XKR9: variants seen among roughly 807,000 people sequenced by gnomAD.
The protein encoded by XKR9 is XK-related protein 9.
A neutral mutation model predicts 32.0 loss-of-function variants in XKR9; 32 were observed. That is an observed-to-expected ratio of 1.00 (90% CI 0.76 to 1.34). The LOEUF is 1.34. Among genes scored for constraint, XKR9 ranks in the 40% most tolerant of loss-of-function variants. The pLI is 0.00. For missense variants in XKR9, 546 were observed against 429.7 expected, an observed-to-expected ratio of 1.27 and a Z score of -2.39; for synonymous variants, 168 against 143.4, an observed-to-expected ratio of 1.17 and a Z score of -1.22.
the XKR9 span, among the ~76,000 whole-genome samples, chr8:71,023,548 C>T: frequency 3.3e-5 from 5 of 152,260 alleles, no homozygotes; most frequent in East Asian, 9.6e-4. Flanking sequence ...GATATTTAGG[C>T]ACTGGTGTTA....
At chr8:70,805,503 T>A in the XKR9 span, among the ~76,000 whole-genome samples, 10 of 152,138 alleles carry the variant, frequency 6.6e-5, no homozygotes, top group Non-Finnish European at 1.3e-4. Context: ...CCTAACACGC[T>A]AAGCTCCCTG....
At chr8:70,744,041 T>C (rs1807023996) in intron 2 of XKR9, among the ~76,000 whole-genome samples, 1 of 152,178 alleles carries the variant, frequency 6.6e-6, no homozygotes, top group Non-Finnish European at 1.5e-5. Context: ...CTTTCTGTAA[T>C]GTTTGCCAGT....
chr8:71,034,748 C>T, the XKR9 span, among the ~76,000 whole-genome samples: 10 of 152,068 alleles, frequency 6.6e-5, no homozygotes, highest in African/African-American at 2.2e-4. Flanking sequence ...GCTGCGGTCC[C>T]GGACGTCATG....
At chr8:70,724,688 G>A (rs971541106) in intron 4 of XKR9, among the ~76,000 whole-genome samples, 4 of 152,032 alleles carry the variant, frequency 2.6e-5, no homozygotes, top group Non-Finnish European at 2.9e-5. Context: ...GCTTCTGCTC[G>A]CTCTCCATGG....
chr8:70,864,605 T>C, the XKR9 span, among the ~76,000 whole-genome samples: 1 of 152,226 alleles, frequency 6.6e-6, no homozygotes, highest in Non-Finnish European at 1.5e-5. Context: ...AAGTCTAGCC[T>C]CATAATTCAG....
In XKR9 at chr8:70,694,414, A is replaced by G. The variant is rs541902666; in HGVS notation, c.273-12519A>G. On this transcript the variant is annotated intron_variant, in intron 3 of 4. Coordinates refer to ENST00000408926, the MANE Select transcript of XKR9 (RefSeq NM_001011720.2). ...CTCTAGGAGTGCCATCCCAGGGGGA[A>G]TTCAGATCTGTGTCAGCTGGAAAGC... Among the ~76,000 whole-genome samples, 286 of 151,830 alleles carry G rather than the reference A, an allele frequency of 1.9e-3. 1 individual carries two copies. Among genetic ancestry groups the G allele is most frequent in the Non-Finnish European group, 2.7e-3 (181 of 67,858 alleles).
At chr8:70,791,890 CA>C (rs1358934248), downstream of XKR9, among the ~76,000 whole-genome samples, 9 of 152,076 alleles carry the variant, frequency 5.9e-5, no homozygotes, top group Admixed American at 2.0e-4. Flanking sequence ...TTACCCCCTT[CA>C]TTTATAAACT....
chr8:70,864,976 G>A, the XKR9 span, among the ~76,000 whole-genome samples: 1 of 152,140 alleles, frequency 6.6e-6, no homozygotes, highest in Non-Finnish European at 1.5e-5. Context: ...AGGCAAGGAA[G>A]CATAATATCT....
In XKR9 at chr8:70,725,760, G is replaced by C. The variant is rs1222570666; in HGVS notation, c.494-8036G>C. 2.0e-5 allele frequency among the ~76,000 whole-genome samples: 3 copies of C among 152,142 alleles called. No individual in the cohort carries two copies. The East Asian group carries it at 5.8e-4, about 29-fold the overall frequency. ...GTCTCTACTAAAAATACAAAAATTA[G>C]CTGGGCATGGTAGTGGTCGCCTGTA... On this transcript the variant is annotated intron_variant, in intron 4 of 4. Coordinates refer to ENST00000408926, the MANE Select transcript of XKR9 (RefSeq NM_001011720.2).
the XKR9 span, among the ~76,000 whole-genome samples, chr8:70,936,123 G>A: frequency 2.6e-5 from 4 of 151,950 alleles, no homozygotes; most frequent in East Asian, 1.9e-4. Flanking sequence ...AACCCAGCAC[G>A]GAAATAATAC....
the XKR9 span, among the ~76,000 whole-genome samples, chr8:71,026,594 G>C: frequency 3.3e-5 from 5 of 152,204 alleles, no homozygotes; most frequent in African/African-American, 1.2e-4. Context: ...ATAATCAAAT[G>C]CGTTGGAGTT....
intron 2 of XKR9, among the ~76,000 whole-genome samples, chr8:70,776,923 T>TTCTTTCTC (rs1554556844): frequency 4.4e-4 from 26 of 59,618 alleles, no homozygotes; most frequent in African/African-American, 1.2e-3. Context: ...TTCTCTTTCT[T>TTCTTTCTC]TCTCTCTCTC....
chr8:70,788,046 T>A (rs1302314824), intron 2 of XKR9, among the ~76,000 whole-genome samples: 1 of 152,094 alleles, frequency 6.6e-6, no homozygotes, highest in African/African-American at 2.4e-5. Context: ...TTCAACCAAT[T>A]CAATGATAAA....
intron 2 of XKR9, among the ~76,000 whole-genome samples, chr8:70,754,530 G>A: frequency 7.4e-6 from 1 of 134,466 alleles, no homozygotes; most frequent in East Asian, 2.0e-4. Flanking sequence ...TAAGGCTACA[G>A]TAACCAAAAC....
At chr8:70,988,333 T>TAA in the XKR9 span, among the ~76,000 whole-genome samples, 4,396 of 139,444 alleles carry the variant, frequency 0.032, 194 homozygotes, top group African/African-American at 0.11. Flanking sequence ...CATGCGTGGT[T>TAA]AAAAAAAAAA....
chr8:70,713,366 A>G (rs1397309866), intron 4 of XKR9, among the ~76,000 whole-genome samples: 1 of 152,136 alleles, frequency 6.6e-6, no homozygotes, highest in East Asian at 1.9e-4. Context: ...AGTGGAAGCA[A>G]TATTTGAAAA....
chr8:70,753,516 A>G (rs1807172791), intron 2 of XKR9, among the ~76,000 whole-genome samples: 1 of 152,378 alleles, frequency 6.6e-6, no homozygotes, highest in East Asian at 1.9e-4. Context: ...AAAGTCCTCA[A>G]TAAAATACTG....
chr8:70,959,464 G>A, the XKR9 span, among the ~76,000 whole-genome samples: 2 of 152,086 alleles, frequency 1.3e-5, no homozygotes, highest in Non-Finnish European at 2.9e-5. Flanking sequence ...GCTATTGATG[G>A]ACACTGGATT....
intron 3 of XKR9, among the ~76,000 whole-genome samples, chr8:70,685,142 A>G (rs949318605): frequency 1.5e-4 from 23 of 152,204 alleles, no homozygotes; most frequent in African/African-American, 3.6e-4. Flanking sequence ...TGGCACATAT[A>G]CACCATGGAA....
Sources: gnomAD v4.1 joint callset for allele counts (sites outside exome capture counted in the v4.1 genomes callset) on GRCh38, gnomAD v4.1.1 for gene constraint, MANE v1.5 for transcripts, NCBI Gene and HGNC (gene_info 2026-07-23, HGNC 2026-07-21) for gene names.